The following DST variants were observed in gnomAD, a reference collection of about 807,000 sequenced individuals.
DST encodes the protein bullous pemphigoid antigen.
A neutral mutation model predicts 875.2 loss-of-function variants in DST; 253 were observed. That is an observed-to-expected ratio of 0.29 (90% CI 0.26 to 0.32). DST has a LOEUF of 0.32. DST is among the 10% of genes least tolerant of loss of function. The pLI is 1.00. For synonymous variants in DST, 3,124 were observed against 3,197.1 expected, an observed-to-expected ratio of 0.98 and a Z score of 0.77; for missense variants, 8,287 against 9,111.6, an observed-to-expected ratio of 0.91 and a Z score of 3.68.
rs777164477 is a variant in DST at position 56,471,173 on chromosome 6, C to T, written c.22254G>A (p.Arg7418=). The change falls in exon 95 of 104, where the codon AGG becomes AGA. Residue 7418 remains arginine, a synonymous_variant. Transcript: ENST00000680361. The part of the protein sequence containing the change: ...HKKSRVMDFF[R]RIDKDQDGKI... ...TCCCATCCTGGTCTTTATCAATTCT[C>T]CTGAAGAAGTCCATCACTCGAGATT... 4.3e-6 allele frequency: 7 copies of T among 1,609,336 alleles called. No homozygotes were observed. Among genetic ancestry groups the T allele is most frequent in the Non-Finnish European group, 5.9e-6 (7 of 1,177,588 alleles).
At chr6:56,820,386 T>C (rs536262087) in intron 4 of DST, among the ~76,000 whole-genome samples, 27 of 152,312 alleles carry the variant, frequency 1.8e-4, no homozygotes, top group African/African-American at 4.6e-4. Context: ...TGTTAGCCAA[T>C]TGTTAAGCAA....
chr6:56,838,289 T>C (rs2099796031), intron 4 of DST, among the ~76,000 whole-genome samples: 1 of 152,242 alleles, frequency 6.6e-6, no homozygotes, highest in Non-Finnish European at 1.5e-5. Context: ...ATATTCCATC[T>C]TGTTATCACC....
intron 61 of DST, among the ~76,000 whole-genome samples, chr6:56,549,255 T>A (rs2097280428): frequency 6.6e-6 from 1 of 152,198 alleles, no homozygotes; most frequent in Non-Finnish European, 1.5e-5. Flanking sequence ...TCTGTGACAT[T>A]AGGTTAAACT....
chr6:56,507,155 A>T (rs59864125), intron 75 of DST, among the ~76,000 whole-genome samples: 5,911 of 152,324 alleles, frequency 0.039, 141 homozygotes, highest in African/African-American at 0.055. Context: ...ATCCAAAAAC[A>T]ATACAAATTA....
intron 102 of DST, chr6:56,461,645 T>TCTC: frequency 6.6e-6 from 1 of 152,330 alleles, no homozygotes; most frequent in Non-Finnish European, 1.5e-5. Context: ...TGAAACACAG[T>TCTC]TTTGCACTAG....
At chr6:56,724,702 G>C (rs1358481073) in intron 5 of DST, among the ~76,000 whole-genome samples, 1 of 152,182 alleles carries the variant, frequency 6.6e-6, no homozygotes, top group Non-Finnish European at 1.5e-5. Context: ...GTGTTAGAGT[G>C]GTTCTTGGCC....
chr6:56,762,818 G>A (rs1397209615), intron 4 of DST, among the ~76,000 whole-genome samples: 1 of 149,146 alleles, frequency 6.7e-6, no homozygotes, highest in East Asian at 2.0e-4. Context: ...TATACCATAG[G>A]TAAAACAAAT....
chr6:56,512,339 C>T (rs1010410580), intron 72 of DST, among the ~76,000 whole-genome samples: 4 of 152,212 alleles, frequency 2.6e-5, no homozygotes, highest in African/African-American at 9.6e-5. Context: ...AGAATACATA[C>T]ACCTCATGGA....
intron 44 of DST, 127 bp from the exon 45 acceptor site, chr6:56,600,348 A>C (rs2152701702): frequency 1.2e-6 from 1 of 833,466 alleles, no homozygotes; most frequent in East Asian, 2.5e-5. Flanking sequence ...TGCTGTAAAC[A>C]TGATAGCAGT....
At chr6:56,464,581 C>T (rs757302079) in intron 100 of DST, 104 bp downstream of exon 100, 40 of 836,728 alleles carry the variant, frequency 4.8e-5, no homozygotes, top group Admixed American at 6.7e-5. Flanking sequence ...AAGCCATACG[C>T]GATGGATGAA....
chr6:56,885,151 G>A (rs78299307), intron 3 of DST, among the ~76,000 whole-genome samples: 21,453 of 152,142 alleles, frequency 0.14, 1,972 homozygotes, highest in Middle Eastern at 0.23. Context: ...ACAGGCTACT[G>A]TGAGGGTTGG....
intron 4 of DST, among the ~76,000 whole-genome samples, chr6:56,772,902 G>A (rs1039783205): frequency 3.1e-4 from 47 of 152,118 alleles, no homozygotes; most frequent in African/African-American, 1.1e-3. Flanking sequence ...TTACTTCCAA[G>A]ATTGCATTAT....
chr6:56,852,294 C>T (rs1042147803), intron 3 of DST, among the ~76,000 whole-genome samples: 2 of 152,212 alleles, frequency 1.3e-5, no homozygotes, highest in Non-Finnish European at 2.9e-5. Context: ...AATAAACAAA[C>T]ATCTGAACTC....
chr6:56,693,340 C>G, intron 9 of DST: 3 of 1,164,132 alleles, frequency 2.6e-6, no homozygotes, highest in Non-Finnish European at 3.2e-6. Flanking sequence ...TGGCATCCTG[C>G]CCAGCCGGTC....
At chr6:56,664,777 T>C (rs928298317) in intron 10 of DST, among the ~76,000 whole-genome samples, 23 of 152,134 alleles carry the variant, frequency 1.5e-4, no homozygotes, top group African/African-American at 5.3e-4. Flanking sequence ...AAGGTTGTAT[T>C]ATATTCTAAA....
Position 56,830,922 on chromosome 6 carries a change from ATGGTGTTCTCTAGAC to A in DST, c.625+20460_625+20474del, listed in dbSNP as rs2099786209. On this transcript the variant is annotated intron_variant, in intron 4 of 103. Transcript: ENST00000680361. ...AGGATGAGCCACAATTACCTACAGT[ATGGTGTTCTCTAGAC>A]TGGCTATCAGAAGACCAGAATTCTA... Among the ~76,000 whole-genome samples the A allele has an allele frequency of 6.6e-5, 10 of 152,308 alleles. No individual in the cohort carries two copies. In the South Asian group the frequency reaches 2.1e-3, roughly 32 times the overall value.
At position 56,640,317 on chromosome 6, in the gene DST, T is replaced by G. The variant is rs186557063; in HGVS notation, c.2316A>C (p.Ser772=). ...CTGAACTGAAATTTGGAACTAATCCTGATGGGAAACCAGGTGTATAAGCTG... is the reference window on the plus strand; with the variant it reads ...CTGAACTGAAATTTGGAACTAATCCGGATGGGAAACCAGGTGTATAAGCTG... ...VTPAYTPGFP[S]GLVPNFSSGV... is the part of the protein sequence containing the mutation. Residue 772 remains serine, a synonymous_variant, in exon 18 of 104, where the codon TCA becomes TCC. Coordinates refer to ENST00000680361, the MANE Select transcript of DST (RefSeq NM_001374736.1). The G allele has an allele frequency of 6.2e-7, 1 of 1,614,176 alleles. No individual in the cohort carries two copies.
chr6:56,614,897 C>A, intron 36 of DST: 2 of 992,054 alleles, frequency 2.0e-6, no homozygotes. Context: ...GGAAAATACA[C>A]AGAATGAAGA....
intron 36 of DST, 184 bp from the exon 37 acceptor site, chr6:56,614,668 T>C: frequency 8.2e-7 from 1 of 1,224,958 alleles, no homozygotes; most frequent in East Asian, 3.5e-5. Flanking sequence ...TCCAAAATGT[T>C]TATGGTAGCA....
Sources: gnomAD v4.1 joint callset for allele counts (sites outside exome capture counted in the v4.1 genomes callset) on GRCh38, gnomAD v4.1.1 for gene constraint, MANE v1.5 for transcripts, NCBI Gene and HGNC (gene_info 2026-07-23, HGNC 2026-07-21) for gene names.